PNLDC1: variants seen among roughly 807,000 people sequenced by gnomAD.
PNLDC1 encodes poly(A)-specific ribonuclease PNLDC1.
In PNLDC1, 70 loss-of-function variants were observed where a neutral mutation model predicts 82.0. That is an observed-to-expected ratio of 0.85 (90% CI 0.70 to 1.04). PNLDC1 has a LOEUF of 1.04. PNLDC1 is among the 50% of genes least tolerant of loss of function. The pLI is 0.00. For missense variants in PNLDC1, 631 were observed against 661.1 expected (o/e 0.95, Z 0.50); for synonymous variants, 280 against 249.3 (o/e 1.12, Z -1.16).
At chr6:159,802,891 T>C (rs1249762645) in intron 3 of PNLDC1, among the ~76,000 whole-genome samples, 1 of 146,898 alleles carries the variant, frequency 6.8e-6, no homozygotes, top group African/African-American at 2.5e-5. Flanking sequence ...CCTGAAGTCT[T>C]TTTTTTTTTT....
Position 159,801,828 on chromosome 6 carries a change from T to TCC in PNLDC1, c.208+643_208+644dup, listed in dbSNP as rs1286473085. ...CTCAGTTTCAGAAACTTTTTTTTTT[T>TCC]CCTTGATGGGATTTGGAGATCTTTC... On this transcript the variant is annotated intron_variant, in intron 3 of 18. Coordinates refer to ENST00000392167, the MANE Select transcript of PNLDC1 (RefSeq NM_001271862.2). 5.9e-3 allele frequency among the ~76,000 whole-genome samples: 904 copies of TCC among 152,188 alleles called. 9 individuals carry two copies. The highest frequency in any genetic ancestry group is 0.021 in the African/African-American group (875 of 41,462).
Position 159,819,396 on chromosome 6 carries a change from A to G in PNLDC1, c.1532+44A>G, listed in dbSNP as rs777687628. 6.4e-7 allele frequency: 1 copy of G among 1,559,486 alleles called. No individual in the cohort carries two copies. The highest frequency in any genetic ancestry group is 1.1e-5 in the South Asian group (1 of 88,944). On this transcript the variant is annotated intron_variant, in intron 18 of 18. Transcript: ENST00000392167. This position sits in a 1 kb window ranked among gnomAD's most constrained non-coding sequence, Gnocchi z 4.6. ...CCACCTGCCTGTCCTGGGGTCCTGGAGTGCCCGGGGTCCCAGCATCCCAGC... is the reference window on the plus strand; with the variant it reads ...CCACCTGCCTGTCCTGGGGTCCTGGGGTGCCCGGGGTCCCAGCATCCCAGC...
intron 5 of PNLDC1, 61 bp downstream of exon 5, chr6:159,804,149 C>T: frequency 3.2e-6 from 5 of 1,579,146 alleles, no homozygotes; most frequent in Non-Finnish European, 4.3e-6. Flanking sequence ...TGGAGTCTCG[C>T]TCTGTTGCCC....
chr6:159,818,910 C>T (rs758584167), intron 16 of PNLDC1, 36 bp from the exon 17 acceptor site: 1 of 1,601,856 alleles, frequency 6.2e-7, no homozygotes, highest in Non-Finnish European at 8.5e-7. Context: ...TCAGGAAGAA[C>T]TGTGGAAAAT....
At chr6:159,805,267 G>A (rs1781406950) in intron 6 of PNLDC1, among the ~76,000 whole-genome samples, 1 of 152,208 alleles carries the variant, frequency 6.6e-6, no homozygotes. Context: ...ACGGACCGGG[G>A]GCCTTGGGGC....
intron 3 of PNLDC1, among the ~76,000 whole-genome samples, chr6:159,801,750 AT>A (rs113437378): frequency 6.0e-5 from 9 of 149,634 alleles, no homozygotes; most frequent in East Asian, 3.9e-4. Flanking sequence ...CTGGCCTGTG[AT>A]TTTTTTTTCT....
rs759855854 is a variant in PNLDC1 at position 159,804,049 on chromosome 6, T to G, written c.333T>G (p.Ser111Arg). 7.4e-6 allele frequency: 12 copies of G among 1,614,056 alleles called. No homozygotes were observed. The highest frequency in any genetic ancestry group is 9.3e-6 in the Non-Finnish European group (11 of 1,180,008). Reference protein sequence around the residue: ...LDSEFSFQASSVQFLNQYGFN... With the variant: ...LDSEFSFQASRVQFLNQYGFN... ...CAGAATTCTCCTTCCAGGCTTCCAGTGTTCAGTTTTTGAATCAGTATGGCT... is the reference window on the plus strand; with the variant it reads ...CAGAATTCTCCTTCCAGGCTTCCAGGGTTCAGTTTTTGAATCAGTATGGCT... The change falls in exon 5 of 19, where the codon AGT (serine) becomes AGG (arginine). Residue 111 changes from serine to arginine, a missense_variant. Coordinates refer to ENST00000392167, the MANE Select transcript of PNLDC1 (RefSeq NM_001271862.2).
intron 11 of PNLDC1, among the ~76,000 whole-genome samples, chr6:159,812,161 A>C (rs1297285717): frequency 1.3e-5 from 2 of 151,974 alleles, no homozygotes; most frequent in African/African-American, 4.8e-5. Flanking sequence ...CGGCCTCCCA[A>C]AGTGCTGGGA....
Position 159,819,385 on chromosome 6 carries a change from TG to T in PNLDC1, c.1532+37del. 6.3e-7 allele frequency: 1 copy of T among 1,592,184 alleles called. No individual in the cohort carries two copies. On this transcript the variant is annotated intron_variant, in intron 18 of 18. Transcript: ENST00000392167. The surrounding 1 kb of genome is among the most constrained non-coding windows in gnomAD (Gnocchi z 4.6). ...ACAGGCTGAGGCCACCTGCCTGTCC[TG>T]GGGTCCTGGAGTGCCCGGGGTCCCA...
chr6:159,802,749 A>C (rs1400550432), intron 3 of PNLDC1, among the ~76,000 whole-genome samples: 1 of 151,914 alleles, frequency 6.6e-6, no homozygotes, highest in Non-Finnish European at 1.5e-5. Context: ...CACCTAGCTA[A>C]TTTTTGTATT....
Position 159,803,177 on chromosome 6 carries a change from G to C in PNLDC1, c.209-94G>C, listed in dbSNP as rs1436515946. ...GTTGTACAGCCCACATAGTATCTGT[G>C]GGCGCAAAGTACTGTTTGAGTTGTT... On this transcript the variant is annotated intron_variant, in intron 3 of 18. Coordinates refer to ENST00000392167, the MANE Select transcript of PNLDC1 (RefSeq NM_001271862.2). The C allele has an allele frequency of 4.3e-6, 5 of 1,159,238 alleles. No individual in the cohort carries two copies. The South Asian group carries it at 6.3e-5, about 15-fold the overall frequency. The allele number at this position is 1,159,238 out of a possible 1,614,324, so 71.8% of individuals were successfully genotyped here.
intron 3 of PNLDC1, 118 bp downstream of exon 3, chr6:159,801,304 T>C: frequency 1.0e-6 from 1 of 968,090 alleles, no homozygotes; most frequent in South Asian, 1.3e-5. Flanking sequence ...TTTTGTATGC[T>C]TGTTTTGTGT....
intron 12 of PNLDC1, among the ~76,000 whole-genome samples, chr6:159,814,235 A>T (rs144309692): frequency 6.6e-6 from 1 of 152,212 alleles, no homozygotes; most frequent in South Asian, 2.1e-4. Context: ...CCCAGTCAGC[A>T]GGACGAGGCA....
chr6:159,818,856 A>G, intron 16 of PNLDC1, 90 bp from the exon 17 acceptor site: 1 of 1,443,518 alleles, frequency 6.9e-7, no homozygotes, highest in Non-Finnish European at 9.5e-7. Context: ...CCCCAAGCAG[A>G]GCCTTTCCTA....
Position 159,819,099 on chromosome 6 carries a change from C to A in PNLDC1, c.1411C>A (p.Leu471Ile), listed in dbSNP as rs767711620. The A allele has an allele frequency of 5.0e-6, 8 of 1,613,938 alleles. No homozygotes were observed. The African/African-American group carries it at 6.7e-5, about 13-fold the overall frequency. Reference sequence around the variant, plus strand: ...GCGACTCACAAGAAGCCAGTTCTTACTCCTGACCAATAAGTTTAAGGAGTA... The same window carrying A: ...GCGACTCACAAGAAGCCAGTTCTTAATCCTGACCAATAAGTTTAAGGAGTA... The part of the protein sequence containing the change: ...VRRLTRSQFL[L>I]LTNKFKDARN... The change falls in exon 17 of 19, where the codon CTC becomes ATC. Residue 471 changes from leucine to isoleucine, a missense_variant. Transcript: ENST00000392167. The surrounding 1 kb of genome is among the most constrained non-coding windows in gnomAD (Gnocchi z 4.6).
At chr6:159,800,450 G>T in intron 1 of PNLDC1, 67 bp downstream of exon 1, 1 of 1,499,156 alleles carries the variant, frequency 6.7e-7, no homozygotes, top group Non-Finnish European at 9.0e-7. Flanking sequence ...TTGAGGAGGG[G>T]GTGGCGGGAC....
intron 15 of PNLDC1, among the ~76,000 whole-genome samples, chr6:159,817,966 G>GC (rs1781892013): frequency 6.6e-6 from 1 of 152,228 alleles, no homozygotes; most frequent in Non-Finnish European, 1.5e-5. Context: ...CTGTTAAAGG[G>GC]CCCCCTGGTA....
At chr6:159,808,714 T>C (rs1455463661) in intron 7 of PNLDC1, 26 bp from the exon 8 acceptor site, 1 of 1,601,456 alleles carries the variant, frequency 6.2e-7, no homozygotes. Context: ...CCAGGTGCTG[T>C]GTGCCCCTGT....
In PNLDC1 at chr6:159,819,417, C is replaced by A; in HGVS notation, c.1532+65C>A. 7.1e-7 allele frequency: 1 copy of A among 1,412,476 alleles called. No homozygotes were observed. Among genetic ancestry groups the A allele is most frequent in the Non-Finnish European group, 9.8e-7 (1 of 1,019,188 alleles). The allele number at this position is 1,412,476 out of a possible 1,614,324, so 87.5% of individuals were successfully genotyped here. ...CTGGAGTGCCCGGGGTCCCAGCATC[C>A]CAGCATGGTCTGACTCGAGCACAGC... On this transcript the variant is annotated intron_variant, in intron 18 of 18. Coordinates refer to ENST00000392167, the MANE Select transcript of PNLDC1 (RefSeq NM_001271862.2). This position sits in a 1 kb window ranked among gnomAD's most constrained non-coding sequence, Gnocchi z 4.6.
Sources: allele counts gnomAD v4.1 joint callset (sites outside exome capture counted in the v4.1 genomes callset), GRCh38; gene constraint gnomAD v4.1.1; non-coding constraint Gnocchi (gnomAD v3.1); transcripts MANE v1.5; gene names NCBI Gene and HGNC (gene_info 2026-07-23, HGNC 2026-07-21).